SLC25A13: variants seen among roughly 807,000 people sequenced by gnomAD.
The protein encoded by SLC25A13 is electrogenic aspartate/glutamate antiporter SLC25A13, mitochondrial.
SLC25A13 carries 70 observed loss-of-function variants against 85.5 expected under a neutral mutation model. The observed-to-expected ratio is 0.82, with a 90% CI of 0.68 to 1.00. The LOEUF (loss-of-function observed/expected upper bound fraction) is 1.00. Among genes scored for constraint, SLC25A13 ranks in the 50% least tolerant of loss-of-function variants. The pLI is 0.00. For missense variants in SLC25A13, 765 were observed against 819.8 expected (o/e 0.93, Z 0.82); for synonymous variants, 259 against 288.7 (o/e 0.90, Z 1.04).
chr7:96,205,743 T>C (rs1795435119), intron 5 of SLC25A13, among the ~76,000 whole-genome samples: 1 of 152,192 alleles, frequency 6.6e-6, no homozygotes. Context: ...CACCACTTTA[T>C]GACTTTTACA....
In SLC25A13 at chr7:96,123,069, G is replaced by A. The variant is rs2239971; in HGVS notation, c.1592-1072C>T. Reference sequence around the variant, plus strand: ...GGGGGTGTAAATCTGCATACTACACGCTTCCATTTATATTACTGAAGGAGT... The same window carrying A: ...GGGGGTGTAAATCTGCATACTACACACTTCCATTTATATTACTGAAGGAGT... On this transcript the variant is annotated intron_variant, in intron 15 of 17. Transcript: ENST00000265631. Among the ~76,000 whole-genome samples the A allele has an allele frequency of 3.9e-4, 59 of 152,160 alleles. 2 individuals carry two copies. The East Asian group carries it at 0.01, about 26-fold the overall frequency.
chr7:96,304,143 G>A (rs1282500159), intron 1 of SLC25A13, among the ~76,000 whole-genome samples: 2 of 152,030 alleles, frequency 1.3e-5, no homozygotes, highest in Non-Finnish European at 2.9e-5. Context: ...GTTTCCCTAC[G>A]ACCTAATAAA....
At chr7:96,191,290 G>C in intron 6 of SLC25A13, 43 bp from the exon 7 acceptor site, 1 of 1,602,112 alleles carries the variant, frequency 6.2e-7, no homozygotes, top group Non-Finnish European at 8.5e-7. Context: ...ATATACAAAA[G>C]ATTTATAGAT....
At chr7:96,281,984 T>C (rs1414178357) in intron 2 of SLC25A13, among the ~76,000 whole-genome samples, 1 of 152,094 alleles carries the variant, frequency 6.6e-6, no homozygotes, top group African/African-American at 2.4e-5. Flanking sequence ...CCTGCAGCAG[T>C]GAGCAGAGGG....
In SLC25A13 at chr7:96,183,437, A is replaced by G. The variant is rs553643964; in HGVS notation, c.1177+840T>C. ...AATACTGTTTTCTTCATCTAGAGAG[A>G]GCATTAGTAGGGGAGAGGAGGGAAA... On this transcript the variant is annotated intron_variant, in intron 11 of 17. Transcript: ENST00000265631. Among the ~76,000 whole-genome samples, 3 of 152,244 alleles carry G rather than the reference A, an allele frequency of 2.0e-5. No individual in the cohort carries two copies. In the South Asian group the frequency reaches 6.2e-4, roughly 32 times the overall value.
chr7:96,181,475 C>G (rs538310314), intron 11 of SLC25A13, among the ~76,000 whole-genome samples: 1 of 152,292 alleles, frequency 6.6e-6, no homozygotes, highest in East Asian at 1.9e-4. Context: ...CAGGGAAAGG[C>G]TTTTAAATGC....
chr7:96,284,536 G>A (rs1258108686), intron 2 of SLC25A13, among the ~76,000 whole-genome samples: 2 of 151,870 alleles, frequency 1.3e-5, no homozygotes, highest in African/African-American at 2.4e-5. Flanking sequence ...CCCATCTTTC[G>A]CTACAGAGAT....
At chr7:96,231,898 A>G (rs527540770) in intron 4 of SLC25A13, among the ~76,000 whole-genome samples, 41 of 152,190 alleles carry the variant, frequency 2.7e-4, no homozygotes, top group Non-Finnish European at 2.9e-4. Flanking sequence ...AATGGTTACT[A>G]TTAAAAAGTC....
At chr7:96,296,521 C>T (rs1244801413) in intron 2 of SLC25A13, among the ~76,000 whole-genome samples, 1 of 151,642 alleles carries the variant, frequency 6.6e-6, no homozygotes, top group African/African-American at 2.4e-5. Flanking sequence ...TGCTCTGTCG[C>T]CCAGGCTGGA....
intron 5 of SLC25A13, 124 bp from the exon 6 acceptor site, chr7:96,193,307 T>C: frequency 1.7e-6 from 2 of 1,166,600 alleles, no homozygotes; most frequent in Non-Finnish European, 2.4e-6. Flanking sequence ...CAAGCCCTCA[T>C]CTGCCTAATA....
chr7:96,229,199 T>C (rs1020610115), intron 4 of SLC25A13, among the ~76,000 whole-genome samples: 1 of 152,180 alleles, frequency 6.6e-6, no homozygotes, highest in African/African-American at 2.4e-5. Context: ...TCGGAGAACT[T>C]TTATGTCTAG....
intron 15 of SLC25A13, among the ~76,000 whole-genome samples, chr7:96,125,753 GT>G (rs753445974): frequency 0.027 from 3,728 of 136,640 alleles, 99 homozygotes; most frequent in African/African-American, 0.076. Context: ...TTCTAGAGGG[GT>G]TTTTTTTTTT....
intron 3 of SLC25A13, among the ~76,000 whole-genome samples, chr7:96,244,619 T>A (rs1214666974): frequency 6.6e-6 from 1 of 152,164 alleles, no homozygotes; most frequent in Non-Finnish European, 1.5e-5. Flanking sequence ...AATCCTGTTT[T>A]CTTCCATTTT....
At chr7:96,284,050 G>T (rs1283597251) in intron 2 of SLC25A13, among the ~76,000 whole-genome samples, 1 of 151,652 alleles carries the variant, frequency 6.6e-6, no homozygotes, top group Non-Finnish European at 1.5e-5. Context: ...TATTTGTACT[G>T]GTTTAAAAGT....
chr7:96,213,629 C>CT (rs1255861726), intron 4 of SLC25A13, among the ~76,000 whole-genome samples: 1 of 152,142 alleles, frequency 6.6e-6, no homozygotes, highest in African/African-American at 2.4e-5. Context: ...CATGTTTTAG[C>CT]TTTTTTGGTT....
intron 2 of SLC25A13, among the ~76,000 whole-genome samples, chr7:96,294,453 A>G (rs71564824): frequency 6.6e-6 from 1 of 152,144 alleles, no homozygotes; most frequent in Admixed American, 6.5e-5. Flanking sequence ...TAACAACAAT[A>G]CAAAAATTAA....
intron 4 of SLC25A13, among the ~76,000 whole-genome samples, chr7:96,224,651 T>A (rs765806093): frequency 6.6e-6 from 1 of 152,258 alleles, no homozygotes; most frequent in South Asian, 2.1e-4. Context: ...CAACTTTCTA[T>A]GTACACTGGT....
intron 14 of SLC25A13, among the ~76,000 whole-genome samples, chr7:96,142,763 T>TATAAATATAA (rs1792618871): frequency 6.6e-6 from 1 of 152,200 alleles, no homozygotes; most frequent in Admixed American, 6.5e-5. Context: ...ATATAAATTA[T>TATAAATATAA]ATTTTACTTT....
At chr7:96,187,275 A>C (rs536635006) in intron 9 of SLC25A13, among the ~76,000 whole-genome samples, 1 of 152,362 alleles carries the variant, frequency 6.6e-6, no homozygotes, top group African/African-American at 2.4e-5. Flanking sequence ...AACAATGAAA[A>C]TAATCAGCAA....
Sources: gnomAD v4.1 joint callset for allele counts (sites outside exome capture counted in the v4.1 genomes callset) on GRCh38, gnomAD v4.1.1 for gene constraint, MANE v1.5 for transcripts, NCBI Gene and HGNC (gene_info 2026-07-23, HGNC 2026-07-21) for gene names.